The following DRP2 variants were observed in gnomAD, a reference collection of about 807,000 sequenced individuals.
DRP2 encodes dystrophin related protein 2.
Under a neutral mutation model 78.2 loss-of-function variants are expected in DRP2, and 29 were observed. The ratio of observed to expected loss-of-function variants is 0.37; its 90% CI spans 0.28 to 0.51. The LOEUF is 0.51. Ranked by LOEUF, DRP2 falls within the 20% of genes least tolerant of loss-of-function variation. DRP2 has a pLI of 0.94. For synonymous variants in DRP2, 290 were observed against 281.9 expected, an observed-to-expected ratio of 1.03 and a Z score of -0.29; for missense variants, 686 against 770.6, an observed-to-expected ratio of 0.89 and a Z score of 1.30.
chrX:101,248,534 G>T lies in DRP2; in HGVS notation c.1475G>T (p.Arg492Leu). Reference protein sequence around the residue: ...VFDSGRSGKMRALSFKTGIAC... With the variant: ...VFDSGRSGKMLALSFKTGIAC... ...CCTAGTGGTCGCAGCGGAAAGATGC[G>T]GGCATTGTCTTTTAAGACTGGCATT... Residue 492 changes from arginine (R) to leucine (L), a missense_variant, in exon 14 of 24, where the codon CGG becomes CTG. Arg to Leu is a moderately radical substitution (Grantham distance 102). Transcript: ENST00000395209. 1 of 1,211,752 alleles carries T rather than the reference G, an allele frequency of 8.3e-7. No homozygotes were observed. The highest frequency in any genetic ancestry group is 1.7e-5 in the African/African-American group (1 of 57,872).
rs1471795245 is a variant in DRP2, at chrX:101,241,950, C to A, written c.828+14C>A. ...CAGGCTATTAAGGTATGCAAGCCCC[C>A]TCCCCTGACTACAGTCTACCCTGAG... On this transcript the variant is annotated intron_variant, in intron 7 of 23. Coordinates refer to ENST00000395209, the MANE Select transcript of DRP2 (RefSeq NM_001939.3). 1.6e-5 allele frequency: 18 copies of A among 1,160,877 alleles called. No homozygotes were observed. The East Asian group carries it at 5.5e-4, about 36-fold the overall frequency.
chrX:101,231,240 T>C (rs1388482941), intron 2 of DRP2, among the ~76,000 whole-genome samples: 2 of 112,478 alleles, frequency 1.8e-5, no homozygotes, highest in African/African-American at 6.5e-5. Context: ...TGTGCTCCCT[T>C]AGCCTTTTGG....
At chrX:101,231,478 GT>G (rs1569507969) in intron 2 of DRP2, 106 bp from the exon 3 acceptor site, 2 of 522,594 alleles carry the variant, frequency 3.8e-6, no homozygotes, top group African/African-American at 4.6e-5. Context: ...AGGTCAGTAA[GT>G]TTTGAATACT....
At chrX:101,228,457 C>T (rs1922194873) in intron 2 of DRP2, among the ~76,000 whole-genome samples, 1 of 111,332 alleles carries the variant, frequency 9.0e-6, no homozygotes, top group South Asian at 3.8e-4. Context: ...CATTATTTAT[C>T]CCCATTTTGC....
chrX:101,257,429 TA>T (rs57717609), intron 21 of DRP2, among the ~76,000 whole-genome samples: 2,149 of 51,392 alleles, frequency 0.042, 92 homozygotes, highest in African/African-American at 0.13. Context: ...CAAGGCAAGA[TA>T]AAAAAAAAAA....
Position 101,254,523 on chromosome X carries a change from G to A in DRP2, c.2076G>A (p.Leu692=), listed in dbSNP as rs765267246. ...GCAAACACCCTCAGCGAGGTTATCT[G>A]CCTGTGCAATCAGTGCTGGAGGCTG... is the stretch of plus-strand genomic sequence containing the variant. ...YFSKHPQRGY[L]PVQSVLEADY... is the part of the protein sequence containing the mutation. The change falls in exon 18 of 24, where the codon CTG becomes CTA. Residue 692 remains leucine (L), a synonymous_variant. Transcript: ENST00000395209. 1.2e-5 allele frequency: 15 copies of A among 1,210,627 alleles called. No individual in the cohort carries two copies. Among genetic ancestry groups the A allele is most frequent in the Non-Finnish European group, 1.6e-5 (14 of 895,425 alleles).
At chrX:101,222,363 G>A (rs777341107) in intron 1 of DRP2, among the ~76,000 whole-genome samples, 121 of 111,976 alleles carry the variant, frequency 1.1e-3, no homozygotes, top group Non-Finnish European at 2.0e-3. Flanking sequence ...GGAAGAAATC[G>A]TCACATGGAT....
Position 101,235,944 on chromosome X carries a change from G to C in DRP2, c.202G>C (p.Val68Leu), listed in dbSNP as rs7066252. The change falls in exon 4 of 24, where the codon GTT (valine) becomes CTT (leucine). Residue 68 changes from valine to leucine, a missense_variant. Physicochemically the swap from Val to Leu is conservative, Grantham distance 32 (BLOSUM62 1). Transcript: ENST00000395209. ...AAGCCTAAAGCTGTTGAACGGGTCTGTTGGTGCCTCTGGACCCCTGGAACC... is the reference window on the plus strand; with the variant it reads ...AAGCCTAAAGCTGTTGAACGGGTCTCTTGGTGCCTCTGGACCCCTGGAACC... ...CLSLKLLNGS[V>L]GASGPLEPPA... 0.13 allele frequency: 152,262 copies of C among 1,209,916 alleles called. 6,891 individuals carry two copies. The highest frequency in any genetic ancestry group is 0.18 in the Middle Eastern group (795 of 4,341).
intron 3 of DRP2, among the ~76,000 whole-genome samples, chrX:101,232,148 GTC>G (rs1220302723): frequency 9.0e-6 from 1 of 110,973 alleles, no homozygotes; most frequent in African/African-American, 3.3e-5. Context: ...TTCCACAGGT[GTC>G]TCTCTCCTGC....
At chrX:101,242,825 A>G in intron 8 of DRP2, 79 bp from the exon 9 acceptor site, 1 of 972,837 alleles carries the variant, frequency 1.0e-6, no homozygotes, top group South Asian at 2.1e-5. Flanking sequence ...GAAGCTCATA[A>G]AGATTCCCAG....
intron 21 of DRP2, among the ~76,000 whole-genome samples, chrX:101,256,865 C>A (rs1569509873): frequency 9.3e-6 from 1 of 107,254 alleles, no homozygotes; most frequent in Non-Finnish European, 1.9e-5. Flanking sequence ...GGCCTGAATC[C>A]TTTTAATGTA....
intron 3 of DRP2, 94 bp from the exon 4 acceptor site, chrX:101,235,766 T>TCTCCCCTTGTTCACA (rs1293324278): frequency 2.1e-6 from 2 of 935,209 alleles, no homozygotes; most frequent in African/African-American, 4.0e-5. Flanking sequence ...GCAACCCTTC[T>TCTCCCCTTGTTCACA]CTCCCCTTGT....
At chrX:101,224,389 C>T (rs757651758) in intron 1 of DRP2, among the ~76,000 whole-genome samples, 286 of 33,009 alleles carry the variant, frequency 8.7e-3, no homozygotes, top group South Asian at 0.03. Flanking sequence ...AGCGAGACTC[C>T]GTCTCAAAAA....
intron 6 of DRP2, among the ~76,000 whole-genome samples, chrX:101,241,449 G>T (rs1192067944): frequency 9.2e-6 from 1 of 108,628 alleles, no homozygotes; most frequent in Non-Finnish European, 1.9e-5. Context: ...ACTCTACAAT[G>T]ATTTAAAAAT....
At position 101,241,882 on chromosome X, in the gene DRP2, G is replaced by A; in HGVS notation, c.774G>A (p.Glu258=). 8.5e-7 allele frequency: 1 copy of A among 1,177,118 alleles called. No individual in the cohort carries two copies. Among genetic ancestry groups the A allele is most frequent in the Non-Finnish European group, 1.1e-6 (1 of 878,137 alleles). Residue 258 remains glutamate (E), a synonymous_variant, in exon 7 of 24, where the codon GAG becomes GAA. Coordinates refer to ENST00000395209, the MANE Select transcript of DRP2 (RefSeq NM_001939.3). ...CTGAGGGAGTCCGAGCCACTTGGGA[G>A]CCCATTGGGGATCTCTTCATTGATT... The part of the protein sequence containing the change: ...SQAEGVRATW[E]PIGDLFIDSL...
Position 101,263,590 on chromosome X carries a change from G to A in DRP2, c.*2969G>A, listed in dbSNP as rs1420208922. ...CATTGATTGGGCATTGTCACGGAAG[G>A]CTGACTAGCTGGAGGACATCAGGCT... On this transcript the variant is annotated 3_prime_UTR_variant, in exon 24 of 24. Transcript: ENST00000395209. 2.7e-5 allele frequency: 3 copies of A among 112,263 alleles called. No individual in the cohort carries two copies. The highest frequency in any genetic ancestry group is 9.7e-5 in the African/African-American group (3 of 30,854). 9.3% of individuals were successfully genotyped at this position (112,263 alleles called of 1,213,427 possible). A position where few individuals can be genotyped will look rare whatever the true frequency, so the allele number is the denominator to read the frequency against.
intron 21 of DRP2, 137 bp from the exon 22 acceptor site, chrX:101,258,172 G>A (rs1923416470): frequency 2.3e-5 from 11 of 485,202 alleles, no homozygotes; most frequent in Non-Finnish European, 3.8e-5. Flanking sequence ...CACAGCTGGG[G>A]GTGGGGATGG....
chrX:101,224,196 T>TG (rs1569507496), intron 1 of DRP2, among the ~76,000 whole-genome samples: 12 of 45,321 alleles, frequency 2.6e-4, no homozygotes, highest in Non-Finnish European at 4.1e-4. Flanking sequence ...TTTTTGTTTT[T>TG]TTTTTTTTTT....
intron 10 of DRP2, 48 bp downstream of exon 10, chrX:101,245,125 C>T: frequency 8.9e-7 from 1 of 1,122,457 alleles, no homozygotes; most frequent in South Asian, 1.9e-5. Context: ...TGCCCACCCC[C>T]TCCCTCTCCT....
Sources: allele counts gnomAD v4.1 joint callset (sites outside exome capture counted in the v4.1 genomes callset), GRCh38; gene constraint gnomAD v4.1.1; transcripts MANE v1.5; gene names NCBI Gene and HGNC (gene_info 2026-07-23, HGNC 2026-07-21).